The following SYTL3 variants were observed in gnomAD, a reference collection of about 807,000 sequenced individuals.
The protein encoded by SYTL3 is synaptotagmin-like protein 3.
A neutral mutation model predicts 82.1 loss-of-function variants in SYTL3; 88 were observed. The ratio of observed to expected loss-of-function variants is 1.07; its 90% CI spans 0.90 to 1.28. SYTL3 has a LOEUF of 1.28. Among genes scored for constraint, SYTL3 ranks in the 50% most tolerant of loss-of-function variants. The pLI is 0.00. For synonymous variants in SYTL3, 311 were observed against 289.4 expected (o/e 1.07, Z -0.76); for missense variants, 831 against 757.6 (o/e 1.10, Z -1.14).
chr6:158,693,686 C>G (rs1780168387), intron 6 of SYTL3, among the ~76,000 whole-genome samples: 1 of 143,244 alleles, frequency 7.0e-6, no homozygotes, highest in South Asian at 2.1e-4. Flanking sequence ...TCCAGCCTTT[C>G]TTTCTTTTCG....
At chr6:158,752,129 A>C (rs548630308) in intron 13 of SYTL3, 99 bp downstream of exon 13, 6 of 695,424 alleles carry the variant, frequency 8.6e-6, no homozygotes, top group Admixed American at 3.6e-5. Flanking sequence ...CTCTTGACTC[A>C]GTTAGATATA....
chr6:158,673,800 C>T lies in SYTL3; in HGVS notation c.329+8187C>T, dbSNP rs188416702. 6.7e-5 allele frequency among the ~76,000 whole-genome samples: 10 copies of T among 149,482 alleles called. No individual in the cohort carries two copies. The East Asian group carries it at 8.3e-4, about 12-fold the overall frequency. Reference sequence around the variant, plus strand: ...TCTTTGTATTAATAATCTTCTTCCTCGGGCCGGGCGTGGTGGCTCACACCT... The same window carrying T: ...TCTTTGTATTAATAATCTTCTTCCTTGGGCCGGGCGTGGTGGCTCACACCT... On this transcript the variant is annotated intron_variant, in intron 5 of 17. Coordinates refer to ENST00000611299, the MANE Select transcript of SYTL3 (RefSeq NM_001242394.2).
intron 10 of SYTL3, among the ~76,000 whole-genome samples, chr6:158,720,951 C>G (rs1010911469): frequency 6.6e-6 from 1 of 152,166 alleles, no homozygotes; most frequent in African/African-American, 2.4e-5. Flanking sequence ...ATGAGGATGG[C>G]CCGTGGGTCC....
intron 2 of SYTL3, among the ~76,000 whole-genome samples, chr6:158,652,501 G>A (rs1215555018): frequency 6.6e-6 from 1 of 151,488 alleles, no homozygotes; most frequent in Non-Finnish European, 1.5e-5. Flanking sequence ...CACCTGCCTC[G>A]TCCTCCCAAA....
At chr6:158,746,457 TAA>T (rs1491402047) in intron 12 of SYTL3, among the ~76,000 whole-genome samples, 64 of 137,758 alleles carry the variant, frequency 4.6e-4, no homozygotes, top group African/African-American at 1.5e-3. Flanking sequence ...ATAATAATAA[TAA>T]TATTATTATT....
At chr6:158,757,026 G>A (rs1440243806) in intron 13 of SYTL3, among the ~76,000 whole-genome samples, 185 bp from the exon 14 acceptor site, 3 of 132,636 alleles carry the variant, frequency 2.3e-5, no homozygotes, top group Admixed American at 7.6e-5. Context: ...CTGGCTGTAA[G>A]CACCTTGACC....
At chr6:158,744,409 C>G (rs1328172129) in intron 11 of SYTL3, among the ~76,000 whole-genome samples, 1 of 150,740 alleles carries the variant, frequency 6.6e-6, no homozygotes, top group East Asian at 2.0e-4. Context: ...TGGGTTCACG[C>G]CATTCTCCTG....
chr6:158,690,016 C>G (rs1224851014), intron 6 of SYTL3, among the ~76,000 whole-genome samples: 1 of 152,184 alleles, frequency 6.6e-6, no homozygotes, highest in Non-Finnish European at 1.5e-5. Context: ...GTTCCTGGTA[C>G]CATTTGTTAC....
intron 9 of SYTL3, among the ~76,000 whole-genome samples, chr6:158,717,309 T>G (rs1008353500): frequency 2.3e-4 from 7 of 29,842 alleles, no homozygotes; most frequent in African/African-American, 9.4e-4. Flanking sequence ...ATTTTACCTG[T>G]TTTTTTTTTT....
In SYTL3 at chr6:158,705,418, A is replaced by G. The variant is rs13211220; in HGVS notation, c.395-1812A>G. 3.4e-4 allele frequency among the ~76,000 whole-genome samples: 40 copies of G among 117,776 alleles called. 1 individual carries two copies. Among genetic ancestry groups the G allele is most frequent in the Admixed American group, 8.0e-4 (9 of 11,260 alleles). 77.3% of individuals were successfully genotyped at this position (117,776 alleles called of 152,430 possible). A position where few individuals can be genotyped will look rare whatever the true frequency, so the allele number is the denominator to read the frequency against. ...CTGTAAGGCCACGTAGGACAGGAGG[A>G]ACCCGGGGCAGGGTAACACTGAGGG... On this transcript the variant is annotated intron_variant, in intron 6 of 17. Coordinates refer to ENST00000611299, the MANE Select transcript of SYTL3 (RefSeq NM_001242394.2).
chr6:158,658,800 A>G (rs1361744957), intron 2 of SYTL3, among the ~76,000 whole-genome samples: 1 of 152,068 alleles, frequency 6.6e-6, no homozygotes, highest in East Asian at 1.9e-4. Flanking sequence ...ATGGAGGCAC[A>G]CGCCTGTAGT....
chr6:158,730,571 G>T (rs1396306516), intron 11 of SYTL3, among the ~76,000 whole-genome samples: 1 of 152,168 alleles, frequency 6.6e-6, no homozygotes, highest in East Asian at 1.9e-4. Context: ...GTGGCCTCTG[G>T]GGTAAGGAAT....
intron 12 of SYTL3, 26 bp downstream of exon 12, chr6:158,745,684 A>C (rs1041737335): frequency 6.5e-7 from 1 of 1,548,194 alleles, no homozygotes; most frequent in Non-Finnish European, 8.7e-7. Flanking sequence ...TAAGTTTAAC[A>C]TGAGACATAT....
At position 158,663,212 on chromosome 6, in the gene SYTL3, G is replaced by A. The variant is rs536469122; in HGVS notation, c.-57G>A. 113 of 1,536,702 alleles carry A rather than the reference G, an allele frequency of 7.4e-5. No individual in the cohort carries two copies. In the South Asian group the frequency reaches 1.2e-3, roughly 16 times the overall value. ...TCCGCCGCTCATCTGCAGGGCGTGA[G>A]CGCTTGGTCCATGCAGTGAAGCTCT... On this transcript the variant is annotated 5_prime_UTR_variant, in exon 4 of 18. Coordinates refer to ENST00000611299, the MANE Select transcript of SYTL3 (RefSeq NM_001242394.2).
chr6:158,662,305 CAA>C (rs1235139171), intron 3 of SYTL3, among the ~76,000 whole-genome samples: 7 of 152,292 alleles, frequency 4.6e-5, no homozygotes, highest in Admixed American at 1.3e-4. Context: ...TAAACAAAAA[CAA>C]GAGCTAATGC....
intron 6 of SYTL3, among the ~76,000 whole-genome samples, chr6:158,688,169 G>T (rs893645842): frequency 1.3e-5 from 2 of 152,208 alleles, no homozygotes; most frequent in Non-Finnish European, 2.9e-5. Flanking sequence ...TATTTAACCT[G>T]TTCCCGAGTG....
chr6:158,685,496 C>T (rs1176302584), intron 6 of SYTL3, among the ~76,000 whole-genome samples: 1 of 152,018 alleles, frequency 6.6e-6, no homozygotes, highest in African/African-American at 2.4e-5. Context: ...GTATGAGGCA[C>T]TTCACCCGGC....
At chr6:158,660,533 GTA>G (rs1421492463) in intron 2 of SYTL3, among the ~76,000 whole-genome samples, 1 of 152,214 alleles carries the variant, frequency 6.6e-6, no homozygotes, top group African/African-American at 2.4e-5. Context: ...ATTGAACCCT[GTA>G]TTTCTGAAGT....
At chr6:158,708,122 A>G (rs561686945) in intron 7 of SYTL3, among the ~76,000 whole-genome samples, 200 bp from the exon 8 acceptor site, 1 of 152,296 alleles carries the variant, frequency 6.6e-6, no homozygotes, top group East Asian at 1.9e-4. Flanking sequence ...CATCGCCCTC[A>G]TATAGATACC....
Sources: gnomAD v4.1 joint callset for allele counts (sites outside exome capture counted in the v4.1 genomes callset) on GRCh38, gnomAD v4.1.1 for gene constraint, MANE v1.5 for transcripts, NCBI Gene and HGNC (gene_info 2026-07-23, HGNC 2026-07-21) for gene names.